Variants in WWOX observed in about 807,000 individuals in gnomAD.
WWOX encodes the protein WW domain-containing oxidoreductase.
A neutral mutation model predicts 46.2 loss-of-function variants in WWOX; 69 were observed. The observed-to-expected ratio is 1.49, with a 90% CI of 1.23 to 1.82. The LOEUF (loss-of-function observed/expected upper bound fraction) is 1.82, where lower values mean the gene tolerates loss of function less well. Among genes scored for constraint, WWOX ranks in the 40% most tolerant of loss-of-function variants. WWOX has a pLI of 0.00. For synonymous variants in WWOX, 359 were observed against 202.6 expected (o/e 1.77, Z -6.56); for missense variants, 919 against 542.6 (o/e 1.69, Z -6.89).
intron 8 of WWOX, among the ~76,000 whole-genome samples, chr16:78,483,422 A>AT (rs367626448): frequency 0.012 from 1,583 of 133,906 alleles, 19 homozygotes; most frequent in Admixed American, 0.027. Flanking sequence ...TCTGCGTAGA[A>AT]TTTTTTTTTT....
At chr16:78,369,914 C>T (rs923116518) in intron 5 of WWOX, among the ~76,000 whole-genome samples, 2 of 151,954 alleles carry the variant, frequency 1.3e-5, no homozygotes, top group Admixed American at 6.6e-5. Flanking sequence ...GGGAGGATCA[C>T]ATAAGGCCAG....
At chr16:78,169,884 G>A (rs1676671195) in intron 5 of WWOX, among the ~76,000 whole-genome samples, 2 of 152,182 alleles carry the variant, frequency 1.3e-5, no homozygotes, top group Non-Finnish European at 2.9e-5. Context: ...CTGTTTAACA[G>A]AGAGTGCAGA....
chr16:78,423,557 C>T (rs2083002331), intron 6 of WWOX, among the ~76,000 whole-genome samples: 1 of 152,102 alleles, frequency 6.6e-6, no homozygotes, highest in Non-Finnish European at 1.5e-5. Flanking sequence ...GAAAGCCTTA[C>T]TTGTATTGTT....
intron 8 of WWOX, among the ~76,000 whole-genome samples, chr16:78,518,790 G>C (rs973872196): frequency 6.6e-6 from 1 of 152,174 alleles, no homozygotes; most frequent in Admixed American, 6.5e-5. Flanking sequence ...TTCAAGACAG[G>C]GATTTCCTTT....
intron 8 of WWOX, among the ~76,000 whole-genome samples, chr16:78,835,545 T>C (rs1260160287): frequency 6.6e-6 from 1 of 152,196 alleles, no homozygotes; most frequent in Non-Finnish European, 1.5e-5. Context: ...CTTAAGAATG[T>C]TCACACAGTT....
At chr16:78,919,871 C>T (rs970405080) in intron 8 of WWOX, among the ~76,000 whole-genome samples, 1 of 152,128 alleles carries the variant, frequency 6.6e-6, no homozygotes, top group Non-Finnish European at 1.5e-5. Context: ...GCCAAAGCGT[C>T]TGCAGACCAG....
intron 8 of WWOX, among the ~76,000 whole-genome samples, chr16:78,923,804 T>TG (rs1228176591): frequency 7.1e-4 from 101 of 142,790 alleles, no homozygotes; most frequent in Non-Finnish European, 1.3e-3. Context: ...GTTTTTTTTT[T>TG]TTTTTTTTTT....
At chr16:78,736,215 C>G (rs2049088293) in intron 8 of WWOX, among the ~76,000 whole-genome samples, 1 of 152,200 alleles carries the variant, frequency 6.6e-6, no homozygotes, top group Non-Finnish European at 1.5e-5. Context: ...GAATAAAAAT[C>G]ACACCTCAAA....
At chr16:78,431,485 C>G (rs570168175) in intron 7 of WWOX, among the ~76,000 whole-genome samples, 3 of 152,262 alleles carry the variant, frequency 2.0e-5, no homozygotes, top group South Asian at 4.2e-4. Flanking sequence ...AAAGCCCTGT[C>G]AAAGGTTAGG....
intron 8 of WWOX, chr16:79,077,249 A>G (rs1372817588): frequency 6.6e-6 from 1 of 152,116 alleles, no homozygotes; most frequent in Non-Finnish European, 1.5e-5. Context: ...CCACTATTAA[A>G]ATGTGCCAAA....
intron 8 of WWOX, chr16:79,016,585 C>A (rs1181004248): frequency 1.3e-5 from 2 of 152,158 alleles, no homozygotes; most frequent in African/African-American, 4.8e-5. Flanking sequence ...ACCATGCCCA[C>A]CTAATTTTTG....
At chr16:79,064,439 C>T (rs1435059497) in intron 8 of WWOX, among the ~76,000 whole-genome samples, 1 of 152,176 alleles carries the variant, frequency 6.6e-6, no homozygotes, top group Non-Finnish European at 1.5e-5. Context: ...GTGAAAAGTG[C>T]TGACTCAGCA....
At chr16:78,249,974 C>G (rs1260855739) in intron 5 of WWOX, among the ~76,000 whole-genome samples, 1 of 152,098 alleles carries the variant, frequency 6.6e-6, no homozygotes, top group Non-Finnish European at 1.5e-5. Context: ...GGCCAGGTCC[C>G]CAGTGAGCGG....
intron 5 of WWOX, among the ~76,000 whole-genome samples, chr16:78,265,259 T>G (rs1479292518): frequency 6.6e-6 from 1 of 151,850 alleles, no homozygotes; most frequent in Non-Finnish European, 1.5e-5. Context: ...CCTCCCAAAA[T>G]GCTGGAATTA....
intron 8 of WWOX, among the ~76,000 whole-genome samples, chr16:79,176,340 C>A (rs1273963083): frequency 6.6e-6 from 1 of 152,208 alleles, no homozygotes; most frequent in Non-Finnish European, 1.5e-5. Context: ...TCTGGTATTT[C>A]TTACCAGCCT....
At chr16:79,089,300 A>G (rs952834355) in intron 8 of WWOX, among the ~76,000 whole-genome samples, 3 of 151,052 alleles carry the variant, frequency 2.0e-5, no homozygotes, top group Non-Finnish European at 4.4e-5. Context: ...TTGATTATAA[A>G]TTAGCGTCAT....
At chr16:78,224,179 A>G (rs2036978603) in intron 5 of WWOX, among the ~76,000 whole-genome samples, 2 of 151,878 alleles carry the variant, frequency 1.3e-5, no homozygotes, top group South Asian at 4.2e-4. Flanking sequence ...AATTTTTTGT[A>G]ATTTTAGTAG....
chr16:79,131,771 T>C (rs955199251), intron 8 of WWOX, among the ~76,000 whole-genome samples: 1 of 152,028 alleles, frequency 6.6e-6, no homozygotes, highest in Non-Finnish European at 1.5e-5. Flanking sequence ...CACTGCTTGA[T>C]AAAAACATAC....
chr16:78,137,628 C>G (rs1235503917), intron 4 of WWOX, among the ~76,000 whole-genome samples: 1 of 152,070 alleles, frequency 6.6e-6, no homozygotes, highest in Non-Finnish European at 1.5e-5. Context: ...TAAGATGCAC[C>G]GTCATATGAA....
Sources: gnomAD v4.1 joint callset for allele counts (sites outside exome capture counted in the v4.1 genomes callset) on GRCh38, gnomAD v4.1.1 for gene constraint, MANE v1.5 for transcripts, NCBI Gene and HGNC (gene_info 2026-07-23, HGNC 2026-07-21) for gene names.